Variants in PLD5 observed in about 807,000 individuals in gnomAD.
PLD5 encodes phospholipase D family member 5, also known as inactive phospholipase D5.
In PLD5, 36 loss-of-function variants were observed where a neutral mutation model predicts 61.1. The observed-to-expected ratio is 0.59, with a 90% CI of 0.45 to 0.78. The LOEUF (loss-of-function observed/expected upper bound fraction) is 0.78. PLD5 is among the 30% of genes least tolerant of loss of function. The probability of loss-of-function intolerance (pLI) is 0.00; values close to 1 mark genes in which losing one functional copy is unlikely to be tolerated. For synonymous variants in PLD5, 243 were observed against 242.8 expected (o/e 1.00, Z -0.01); for missense variants, 515 against 644.4 (o/e 0.80, Z 2.17).
In PLD5 at chr1:242,088,368, T is replaced by G. The variant is rs968390255; in HGVS notation, c.*1486A>C. 6.6e-6 allele frequency: 1 copy of G among 152,234 alleles called. No individual in the cohort carries two copies. The allele number at this position is 152,234 out of a possible 1,614,324, so 9.4% of individuals were successfully genotyped here. On this transcript the variant is annotated 3_prime_UTR_variant, in exon 10 of 10. Transcript: ENST00000536534. Reference sequence around the variant, plus strand: ...TGTGAATTTGTTTTCCTTTGTGGATTCTGGGGGAGGACCTGGTGTTGATTC... The same window carrying G: ...TGTGAATTTGTTTTCCTTTGTGGATGCTGGGGGAGGACCTGGTGTTGATTC...
At chr1:242,170,921 G>A (rs900533991) in intron 5 of PLD5, among the ~76,000 whole-genome samples, 22 of 152,296 alleles carry the variant, frequency 1.4e-4, no homozygotes, top group Middle Eastern at 3.4e-3. Flanking sequence ...CTTGATTGGT[G>A]TACCTGAAAG....
chr1:242,430,808 G>A (rs1214548774), intron 1 of PLD5, among the ~76,000 whole-genome samples: 3 of 152,126 alleles, frequency 2.0e-5, no homozygotes, highest in Non-Finnish European at 4.4e-5. Context: ...TTTAATGGTA[G>A]GCTCCTCATC....
intron 1 of PLD5, among the ~76,000 whole-genome samples, chr1:242,394,931 T>TTATATGAATATATATGATTA (rs1176496089): frequency 0.036 from 1,884 of 51,654 alleles, 231 homozygotes; most frequent in Middle Eastern, 0.077. Context: ...TATGTATACA[T>TTATATGAATATATATGATTA]TATATGAATA....
At chr1:242,306,405 A>G (rs898803193) in intron 2 of PLD5, among the ~76,000 whole-genome samples, 3 of 152,112 alleles carry the variant, frequency 2.0e-5, no homozygotes, top group African/African-American at 7.2e-5. Context: ...GCTCCAGCCT[A>G]CTAAGCTTAT....
chr1:242,514,912 C>A (rs1179401285), intron 1 of PLD5, among the ~76,000 whole-genome samples: 1 of 152,130 alleles, frequency 6.6e-6, no homozygotes, highest in Non-Finnish European at 1.5e-5. Flanking sequence ...TTAGAGAGGA[C>A]AGGAGAAGCA....
At chr1:242,341,936 G>T (rs1194622157) in intron 2 of PLD5, among the ~76,000 whole-genome samples, 1 of 150,794 alleles carries the variant, frequency 6.6e-6, no homozygotes, top group Admixed American at 6.6e-5. Flanking sequence ...CCAGGCACGG[G>T]GGCTGATTCA....
At chr1:242,149,479 A>G (rs1310500467) in intron 5 of PLD5, among the ~76,000 whole-genome samples, 1 of 151,570 alleles carries the variant, frequency 6.6e-6, no homozygotes, top group African/African-American at 2.4e-5. Context: ...AAATGCTGGC[A>G]TCATAAGATG....
At chr1:242,151,849 TG>T (rs1380243384) in intron 5 of PLD5, among the ~76,000 whole-genome samples, 2 of 152,074 alleles carry the variant, frequency 1.3e-5, no homozygotes, top group Admixed American at 6.6e-5. Flanking sequence ...TCAAATTAAA[TG>T]TTTTATTTTG....
chr1:242,307,775 C>T (rs537946148), intron 2 of PLD5, among the ~76,000 whole-genome samples: 152 of 152,002 alleles, frequency 1.0e-3, no homozygotes, highest in South Asian at 3.1e-3. Flanking sequence ...TCTAATAAAA[C>T]GTATTGATTG....
At chr1:242,462,097 T>C (rs1342946715) in intron 1 of PLD5, among the ~76,000 whole-genome samples, 2 of 152,250 alleles carry the variant, frequency 1.3e-5, no homozygotes, top group Non-Finnish European at 2.9e-5. Context: ...TTGTCCATTT[T>C]TGTTTTTGTT....
chr1:242,085,705 A>G lies in PLD5; in HGVS notation c.*4149T>C, dbSNP rs1659414939. 1 of 152,224 alleles carries G rather than the reference A, an allele frequency of 6.6e-6. No individual in the cohort carries two copies. Among genetic ancestry groups the G allele is most frequent in the African/African-American group, 2.4e-5 (1 of 41,460 alleles). The allele number at this position is 152,224 out of a possible 1,614,324, so 9.4% of individuals were successfully genotyped here. ...TAAAAGAATGAAACATTTGTCCACA[A>G]TATATGGGGCTGTTCGTAAGGACTG... On this transcript the variant is annotated 3_prime_UTR_variant, in exon 10 of 10. Transcript: ENST00000536534.
intron 5 of PLD5, among the ~76,000 whole-genome samples, chr1:242,139,564 G>C (rs763607491): frequency 1.1e-4 from 17 of 151,986 alleles, no homozygotes; most frequent in Non-Finnish European, 2.1e-4. Context: ...AGTAGCTCAG[G>C]ATCCTTCTCA....
chr1:242,229,755 C>G (rs555862887), intron 4 of PLD5, among the ~76,000 whole-genome samples: 1 of 152,114 alleles, frequency 6.6e-6, no homozygotes, highest in East Asian at 1.9e-4. Flanking sequence ...CCCGCTATTA[C>G]TTCTTGTATT....
intron 9 of PLD5, among the ~76,000 whole-genome samples, chr1:242,096,585 A>G (rs1288487834): frequency 6.8e-6 from 1 of 147,940 alleles, no homozygotes; most frequent in Non-Finnish European, 1.5e-5. Context: ...CAGGTGATCC[A>G]CCTGCCTCAA....
intron 1 of PLD5, among the ~76,000 whole-genome samples, chr1:242,381,248 G>C (rs369452692): frequency 6.6e-6 from 1 of 152,140 alleles, no homozygotes; most frequent in Non-Finnish European, 1.5e-5. Flanking sequence ...GTCCTTTGGA[G>C]GGATATGAAT....
intron 2 of PLD5, among the ~76,000 whole-genome samples, chr1:242,337,254 A>G (rs12117446): frequency 0.88 from 133,359 of 151,592 alleles, 59,164 homozygotes; most frequent in Non-Finnish European, 0.94. Context: ...TAGAAGTATA[A>G]ACCTCATGAG....
intron 1 of PLD5, among the ~76,000 whole-genome samples, chr1:242,446,631 CCACA>C (rs1380962339): frequency 3.3e-5 from 5 of 152,144 alleles, no homozygotes; most frequent in African/African-American, 1.2e-4. Context: ...TATCCTCTTT[CCACA>C]CATTGGACCG....
chr1:242,349,066 A>T (rs1162530586), intron 1 of PLD5, among the ~76,000 whole-genome samples: 1 of 152,142 alleles, frequency 6.6e-6, no homozygotes, highest in Non-Finnish European at 1.5e-5. Flanking sequence ...ACAAACAAAC[A>T]AACAAAAAAC....
At chr1:242,430,717 C>A (rs559149669) in intron 1 of PLD5, among the ~76,000 whole-genome samples, 1 of 152,282 alleles carries the variant, frequency 6.6e-6, no homozygotes, top group African/African-American at 2.4e-5. Context: ...GGTTCTCCTC[C>A]TCTGACTGCA....
Sources: gnomAD v4.1 joint callset for allele counts (sites outside exome capture counted in the v4.1 genomes callset) on GRCh38, gnomAD v4.1.1 for gene constraint, MANE v1.5 for transcripts, NCBI Gene and HGNC (gene_info 2026-07-23, HGNC 2026-07-21) for gene names.